Variants in SLC34A2 observed in about 807,000 individuals in gnomAD.
SLC34A2 encodes the protein sodium-dependent phosphate transport protein 2B.
SLC34A2 carries 41 observed loss-of-function variants against 50.8 expected under a neutral mutation model. The observed-to-expected ratio is 0.81, with a 90% CI of 0.63 to 1.05. The LOEUF is 1.05. Ranked by LOEUF, SLC34A2 falls within the 50% of genes least tolerant of loss-of-function variation. The pLI is 0.00. For missense variants in SLC34A2, 879 were observed against 876.7 expected (o/e 1.00, Z -0.03); for synonymous variants, 401 against 364.2 (o/e 1.10, Z -1.15).
At chr4:25,659,663 C>T (rs1191439064) in intron 1 of SLC34A2, among the ~76,000 whole-genome samples, 4 of 152,144 alleles carry the variant, frequency 2.6e-5, no homozygotes, top group Admixed American at 2.6e-4. Flanking sequence ...ATGGTATTGT[C>T]CCCATTTTTA....
Position 25,670,745 on chromosome 4 carries a change from A to C in SLC34A2, c.839A>C (p.Lys280Thr), listed in dbSNP as rs982150295. 2 of 1,613,486 alleles carry C rather than the reference A, an allele frequency of 1.2e-6. No individual in the cohort carries two copies. The highest frequency in any genetic ancestry group is 2.7e-5 in the African/African-American group (2 of 74,928). The change falls in exon 8 of 13, where the codon AAA (lysine) becomes ACA (threonine). Residue 280 changes from lysine to threonine, a missense_variant. Coordinates refer to ENST00000382051, the MANE Select transcript of SLC34A2 (RefSeq NM_006424.3). ...PFTKLIVQLD[K>T]KVISQIAMND... is the part of the protein sequence containing the mutation. Reference sequence around the variant, plus strand: ...TGTCTACTGTTTCCACAGCTGGATAAAAAAGTTATCAGCCAAATTGCAATG... The same window carrying C: ...TGTCTACTGTTTCCACAGCTGGATACAAAAGTTATCAGCCAAATTGCAATG...
In SLC34A2 at chr4:25,656,116, G is replaced by A. The variant is rs897707288; in HGVS notation, c.-4+226G>A. On this transcript the variant is annotated intron_variant, in intron 1 of 12. Transcript: ENST00000382051. ...TGCTGCTACACTCTTACGATCGACA[G>A]TGTTATTAATCAGCCACACTTGTGG... is the stretch of plus-strand genomic sequence containing the variant. 2.7e-4 allele frequency among the ~76,000 whole-genome samples: 41 copies of A among 152,334 alleles called. 1 individual carries two copies. The highest frequency in any genetic ancestry group is 3.2e-4 in the Non-Finnish European group (22 of 68,038).
Position 25,657,042 on chromosome 4 carries a change from T to C in SLC34A2, c.-4+1152T>C, listed in dbSNP as rs557690122. Among the ~76,000 whole-genome samples the C allele has an allele frequency of 1.2e-4, 18 of 152,302 alleles. No individual in the cohort carries two copies. In the South Asian group the frequency reaches 3.7e-3, roughly 32 times the overall value. On this transcript the variant is annotated intron_variant, in intron 1 of 12. Transcript: ENST00000382051. Reference sequence around the variant, plus strand: ...GCCTCTTTTGTCCCATGCCCGCTGATCATGATCTTCTCTGCTTTTGTAATT... The same window carrying C: ...GCCTCTTTTGTCCCATGCCCGCTGACCATGATCTTCTCTGCTTTTGTAATT...
At chr4:25,668,640 T>TCA (rs541385518) in intron 6 of SLC34A2, among the ~76,000 whole-genome samples, 3,396 of 141,362 alleles carry the variant, frequency 0.024, 60 homozygotes, top group Middle Eastern at 0.084. Context: ...AGACTCCATC[T>TCA]AAAAAAAAAA....
Position 25,676,800 on chromosome 4 carries a change from G to A in SLC34A2, c.*51G>A. 1.2e-6 allele frequency: 2 copies of A among 1,611,736 alleles called. No individual in the cohort carries two copies. Among genetic ancestry groups the A allele is most frequent in the Non-Finnish European group, 8.5e-7 (1 of 1,178,918 alleles). On this transcript the variant is annotated 3_prime_UTR_variant, in exon 13 of 13. Coordinates refer to ENST00000382051, the MANE Select transcript of SLC34A2 (RefSeq NM_006424.3). Reference sequence around the variant, plus strand: ...GGGGGATGGTCCTTGAGTTTTGCATGCTCTCCTCCCTCCCACTTCTGCACC... The same window carrying A: ...GGGGGATGGTCCTTGAGTTTTGCATACTCTCCTCCCTCCCACTTCTGCACC...
At position 25,674,572 on chromosome 4, in the gene SLC34A2, C is replaced by A. The variant is rs1432238713; in HGVS notation, c.1401C>A (p.Thr467=). The stretch of plus-strand genomic sequence containing the variant: ...TGGGCTCCAACATCGGCACCACCAC[C>A]ACCGCCATCCTGGCCGCCTTAGCCA... The part of the protein sequence containing the change: ...LTLGSNIGTT[T]TAILAALASP... The change falls in exon 12 of 13, where the codon ACC becomes ACA. Residue 467 remains threonine, a synonymous_variant. Transcript: ENST00000382051. The A allele has an allele frequency of 6.2e-7, 1 of 1,614,100 alleles. No homozygotes were observed. The highest frequency in any genetic ancestry group is 1.3e-5 in the African/African-American group (1 of 74,940).
intron 9 of SLC34A2, among the ~76,000 whole-genome samples, chr4:25,672,565 C>A (rs778850590): frequency 3.3e-5 from 5 of 152,122 alleles, no homozygotes; most frequent in Admixed American, 1.3e-4. Context: ...TAATTCTGAG[C>A]ACTATATCTT....
intron 1 of SLC34A2, among the ~76,000 whole-genome samples, chr4:25,656,111 C>T (rs1325961897): frequency 6.6e-6 from 1 of 152,168 alleles, no homozygotes; most frequent in Non-Finnish European, 1.5e-5. Flanking sequence ...CTCTTACGAT[C>T]GACAGTGTTA....
chr4:25,671,917 C>T (rs996011853), intron 9 of SLC34A2, among the ~76,000 whole-genome samples, 196 bp downstream of exon 9: 2 of 152,160 alleles, frequency 1.3e-5, no homozygotes, highest in African/African-American at 4.8e-5. Flanking sequence ...GGCCTGAGGT[C>T]CCACAGCAAG....
intron 1 of SLC34A2, among the ~76,000 whole-genome samples, chr4:25,657,684 T>C (rs1454518105): frequency 6.6e-6 from 1 of 152,238 alleles, no homozygotes; most frequent in Admixed American, 6.5e-5. Flanking sequence ...TCAAGTTATC[T>C]ATCAATGTGA....
rs1262834719 is a variant in SLC34A2 at position 25,671,701 on chromosome 4, A to T, written c.1028A>T (p.Tyr343Phe). ...AACTGGACCATGAAGAATGTGACCT[A>T]CAAGGAGAACATCGCCAAATGTGAG... ...IQNWTMKNVT[Y>F]KENIAKCQHI... is the part of the protein sequence containing the mutation. Residue 343 changes from tyrosine to phenylalanine, a missense_variant, in exon 9 of 13, where the codon TAC becomes TTC. Tyr to Phe is a conservative substitution (Grantham distance 22). Transcript: ENST00000382051. 1 of 1,614,182 alleles carries T rather than the reference A, an allele frequency of 6.2e-7. No homozygotes were observed. The highest frequency in any genetic ancestry group is 8.5e-7 in the Non-Finnish European group (1 of 1,180,038).
chr4:25,658,234 A>C (rs1713990949), intron 1 of SLC34A2, among the ~76,000 whole-genome samples: 1 of 152,224 alleles, frequency 6.6e-6, no homozygotes, highest in Non-Finnish European at 1.5e-5. Flanking sequence ...CAAAGTCTTT[A>C]ATAAACACTA....
Position 25,674,540 on chromosome 4 carries a change from C to T in SLC34A2, c.1369C>T (p.Leu457Phe), listed in dbSNP as rs771851891. 1.2e-6 allele frequency: 2 copies of T among 1,614,228 alleles called. No homozygotes were observed. Among genetic ancestry groups the T allele is most frequent in the South Asian group, 2.2e-5 (2 of 91,088 alleles). The change falls in exon 12 of 13, where the codon CTC (leucine) becomes TTC (phenylalanine). Residue 457 changes from leucine (L) to phenylalanine (F), a missense_variant. Coordinates refer to ENST00000382051, the MANE Select transcript of SLC34A2 (RefSeq NM_006424.3). ...GATAACCATTGAGAGGGCTTATCCA[C>T]TCACGCTGGGCTCCAACATCGGCAC... ...GVITIERAYP[L>F]TLGSNIGTTT...
At chr4:25,668,022 T>C in intron 6 of SLC34A2, 31 bp downstream of exon 6, 1 of 1,366,026 alleles carries the variant, frequency 7.3e-7, no homozygotes. Context: ...CTTTGCGACA[T>C]CAGCTCTATT....
At chr4:25,676,026 C>G (rs1212284588) in intron 12 of SLC34A2, 109 bp from the exon 13 acceptor site, 7 of 1,534,040 alleles carry the variant, frequency 4.6e-6, no homozygotes, top group Middle Eastern at 1.7e-4. Context: ...CTGGAAGGCC[C>G]GAGACTGTGC....
Position 25,676,495 on chromosome 4 carries a change from G to C in SLC34A2, c.1819G>C (p.Val607Leu), listed in dbSNP as rs199853390. ...MRSLKPWDAVVSKFTGCFQMR... is the reference protein window; with the variant it reads ...MRSLKPWDAVLSKFTGCFQMR... ...CTCGCTGAAGCCCTGGGATGCCGTC[G>C]TCTCCAAGTTCACCGGCTGCTTCCA... Residue 607 changes from valine to leucine, a missense_variant, in exon 13 of 13, where the codon GTC becomes CTC. By Grantham distance (32) the Val-to-Leu change is conservative (BLOSUM62 1). Coordinates refer to ENST00000382051, the MANE Select transcript of SLC34A2 (RefSeq NM_006424.3). 1.8e-5 allele frequency: 29 copies of C among 1,614,012 alleles called. No homozygotes were observed. The highest frequency in any genetic ancestry group is 2.4e-5 in the Non-Finnish European group (28 of 1,180,046).
chr4:25,669,629 G>A lies in SLC34A2; in HGVS notation c.636-18G>A, dbSNP rs377251599. 1.6e-5 allele frequency: 25 copies of A among 1,612,746 alleles called. No homozygotes were observed. Among genetic ancestry groups the A allele is most frequent in the East Asian group, 2.2e-5 (1 of 44,884 alleles). On this transcript the variant is annotated intron_variant, in intron 6 of 12. Transcript: ENST00000382051. ...TTGCTTAGTGACTAATCTGGCTGTC[G>A]GGGTTTCCCTCCCATAGAGCTTTTG...
At chr4:25,672,797 G>T (rs1198421764) in intron 9 of SLC34A2, among the ~76,000 whole-genome samples, 2 of 152,098 alleles carry the variant, frequency 1.3e-5, no homozygotes, top group Non-Finnish European at 2.9e-5. Context: ...TCGACAGCAT[G>T]GTCTTTAGAG....
chr4:25,672,491 C>G (rs555044466), intron 9 of SLC34A2, among the ~76,000 whole-genome samples: 2 of 152,138 alleles, frequency 1.3e-5, no homozygotes, highest in African/African-American at 4.8e-5. Flanking sequence ...CTTCGTTATT[C>G]TAATTACTCC....
Sources: gnomAD v4.1 joint callset for allele counts (sites outside exome capture counted in the v4.1 genomes callset) on GRCh38, gnomAD v4.1.1 for gene constraint, MANE v1.5 for transcripts, NCBI Gene and HGNC (gene_info 2026-07-23, HGNC 2026-07-21) for gene names.